Variants in LRRIQ1 observed in about 807,000 individuals in gnomAD.
LRRIQ1 encodes the protein leucine-rich repeat- and IQ domain-containing protein 1.
In LRRIQ1, 210 loss-of-function variants were observed where a neutral mutation model predicts 211.9. The observed-to-expected ratio is 0.99, with a 90% CI of 0.89 to 1.11. The LOEUF is 1.11. Ranked by LOEUF, LRRIQ1 falls within the 50% of genes most tolerant of loss-of-function variation. LRRIQ1 has a pLI of 0.00. For missense variants in LRRIQ1, 2,136 were observed against 1,939.5 expected, an observed-to-expected ratio of 1.10 and a Z score of -1.90; for synonymous variants, 699 against 650.1, an observed-to-expected ratio of 1.08 and a Z score of -1.14.
chr12:85,122,197 CTATT>C (rs1425493463), intron 16 of LRRIQ1, among the ~76,000 whole-genome samples: 2 of 152,186 alleles, frequency 1.3e-5, no homozygotes, highest in East Asian at 3.9e-4. Context: ...GTAGGCAAGA[CTATT>C]TATCCCCAAA....
intron 11 of LRRIQ1, among the ~76,000 whole-genome samples, chr12:85,085,808 A>G (rs1884757964): frequency 6.6e-6 from 1 of 152,130 alleles, no homozygotes; most frequent in Non-Finnish European, 1.5e-5. Flanking sequence ...CATGGTGTGT[A>G]TGTACTACAT....
intron 26 of LRRIQ1, among the ~76,000 whole-genome samples, chr12:85,242,872 T>G (rs1039814965): frequency 6.6e-5 from 10 of 152,010 alleles, no homozygotes; most frequent in Non-Finnish European, 1.5e-4. Context: ...ACTAGTTATT[T>G]TCTACTTTGG....
At chr12:85,205,592 A>T (rs181411205) in intron 24 of LRRIQ1, among the ~76,000 whole-genome samples, 3 of 152,074 alleles carry the variant, frequency 2.0e-5, no homozygotes, top group East Asian at 3.9e-4. Flanking sequence ...GGGTCTCCTT[A>T]TGTAGTATTT....
chr12:85,222,976 T>A (rs1321700261), intron 24 of LRRIQ1, among the ~76,000 whole-genome samples: 2 of 152,166 alleles, frequency 1.3e-5, no homozygotes, highest in Non-Finnish European at 2.9e-5. Flanking sequence ...GTGGACTAGA[T>A]CTTATTTCTG....
At chr12:85,106,267 A>G (rs571583065) in intron 14 of LRRIQ1, among the ~76,000 whole-genome samples, 23 of 152,190 alleles carry the variant, frequency 1.5e-4, no homozygotes, top group Non-Finnish European at 3.1e-4. Flanking sequence ...TCCTAACCCT[A>G]TAAGACAGAT....
At chr12:85,106,393 G>A in intron 14 of LRRIQ1, 129 bp from the exon 15 acceptor site, 1 of 637,074 alleles carries the variant, frequency 1.6e-6, no homozygotes. Flanking sequence ...AAAGCATATA[G>A]CATTCTGCAG....
At chr12:85,162,937 T>TA (rs1890969826) in intron 24 of LRRIQ1, 1 of 365,324 alleles carries the variant, frequency 2.7e-6, no homozygotes, top group Non-Finnish European at 5.3e-6. Context: ...AAGTTTTTTT[T>TA]AACAGTTAAT....
chr12:85,215,235 A>G (rs374783704), intron 24 of LRRIQ1, among the ~76,000 whole-genome samples: 5 of 152,192 alleles, frequency 3.3e-5, no homozygotes, highest in African/African-American at 1.2e-4. Flanking sequence ...ACCATTTGAC[A>G]AACAACTTTG....
At position 85,169,902 on chromosome 12, in the gene LRRIQ1, T is replaced by C. The variant is rs191397262; in HGVS notation, c.4822+9188T>C. The stretch of plus-strand genomic sequence containing the variant: ...ATATTGGTTCTCAATAAATATATGA[T>C]TAAGAAAGAATGTAAATGTACATGA... On this transcript the variant is annotated intron_variant, in intron 24 of 26. Coordinates refer to ENST00000393217, the MANE Select transcript of LRRIQ1 (RefSeq NM_001079910.2). 6.0e-3 allele frequency among the ~76,000 whole-genome samples: 915 copies of C among 152,210 alleles called. 12 individuals are homozygous for C. Among genetic ancestry groups the C allele is most frequent in the Admixed American group, 0.034 (516 of 15,260 alleles).
intron 24 of LRRIQ1, among the ~76,000 whole-genome samples, chr12:85,222,292 A>T: frequency 6.6e-6 from 1 of 152,270 alleles, no homozygotes; most frequent in East Asian, 1.9e-4. Flanking sequence ...TATAGCCTAA[A>T]AATAAAATGG....
At chr12:85,244,597 C>A (rs550585021) in intron 26 of LRRIQ1, among the ~76,000 whole-genome samples, 192 bp from the exon 27 acceptor site, 2 of 151,726 alleles carry the variant, frequency 1.3e-5, no homozygotes, top group South Asian at 4.1e-4. Flanking sequence ...ATTTTACAAT[C>A]GACTCTTATT....
At chr12:85,125,048 G>A (rs893418177) in intron 17 of LRRIQ1, among the ~76,000 whole-genome samples, 62 of 151,676 alleles carry the variant, frequency 4.1e-4, no homozygotes, top group Non-Finnish European at 5.9e-4. Flanking sequence ...GCGTTGTGGC[G>A]GGTGCCTGTA....
chr12:85,193,003 A>ATT, intron 24 of LRRIQ1, among the ~76,000 whole-genome samples: 1 of 30,384 alleles, frequency 3.3e-5, no homozygotes, highest in Non-Finnish European at 5.3e-5. Flanking sequence ...TATAATATAT[A>ATT]AATATATAAT....
intron 19 of LRRIQ1, among the ~76,000 whole-genome samples, chr12:85,149,670 AATGCCAAATCTAT>A (rs1450087377): frequency 1.3e-5 from 2 of 151,804 alleles, no homozygotes; most frequent in Non-Finnish European, 2.9e-5. Flanking sequence ...CATACTAGGT[AATGCCAAATCTAT>A]TTGATATTAA....
chr12:85,110,898 ACTCT>A (rs981041083), intron 15 of LRRIQ1, among the ~76,000 whole-genome samples: 1 of 151,712 alleles, frequency 6.6e-6, no homozygotes, highest in Non-Finnish European at 1.5e-5. Context: ...TAGACGAAGT[ACTCT>A]CTCTATATAT....
In LRRIQ1 at chr12:85,185,299, C is replaced by T. The variant is rs368499957; in HGVS notation, c.4822+24585C>T. Among the ~76,000 whole-genome samples the T allele has an allele frequency of 4.0e-5, 6 of 151,750 alleles. No individual in the cohort carries two copies. In the East Asian group the frequency reaches 5.8e-4, roughly 15 times the overall value. ...CTGTGTGTTTCATATGGAATTATATCATGGAAATGTGTATATGTATGTGTC... is the reference window on the plus strand; with the variant it reads ...CTGTGTGTTTCATATGGAATTATATTATGGAAATGTGTATATGTATGTGTC... On this transcript the variant is annotated intron_variant, in intron 24 of 26. Transcript: ENST00000393217.
intron 24 of LRRIQ1, among the ~76,000 whole-genome samples, chr12:85,178,196 A>G (rs953171562): frequency 2.0e-5 from 3 of 152,038 alleles, no homozygotes; most frequent in Non-Finnish European, 4.4e-5. Context: ...TACCTGATAC[A>G]TGATGATCTT....
chr12:85,057,494 G>A (rs1156886983), intron 8 of LRRIQ1, among the ~76,000 whole-genome samples: 1 of 152,016 alleles, frequency 6.6e-6, no homozygotes, highest in African/African-American at 2.4e-5. Context: ...GTTAGGGTTA[G>A]AATTATAGTA....
intron 24 of LRRIQ1, among the ~76,000 whole-genome samples, chr12:85,222,093 T>C (rs1243425391): frequency 1.3e-5 from 2 of 152,162 alleles, no homozygotes; most frequent in African/African-American, 2.4e-5. Flanking sequence ...GCTTTCTCAG[T>C]TGTAAATTAA....
Sources: gnomAD v4.1 joint callset for allele counts (sites outside exome capture counted in the v4.1 genomes callset) on GRCh38, gnomAD v4.1.1 for gene constraint, MANE v1.5 for transcripts, NCBI Gene and HGNC (gene_info 2026-07-23, HGNC 2026-07-21) for gene names.